Variants in LUZP2 observed in about 807,000 individuals in gnomAD.
The protein encoded by LUZP2 is leucine zipper protein 2.
In LUZP2, 52 loss-of-function variants were observed where a neutral mutation model predicts 51.6. That is an observed-to-expected ratio of 1.01 (90% confidence interval 0.81 to 1.27). LUZP2 has a LOEUF of 1.27. LUZP2 is among the 50% of genes most tolerant of loss of function. The pLI is 0.00. For synonymous variants in LUZP2, 154 were observed against 137.3 expected (o/e 1.12, Z -0.85); for missense variants, 436 against 395.4 (o/e 1.10, Z -0.87).
intron 1 of LUZP2, among the ~76,000 whole-genome samples, chr11:24,695,494 TA>T (rs1372747709): frequency 6.6e-6 from 1 of 152,070 alleles, no homozygotes; most frequent in Non-Finnish European, 1.5e-5. Context: ...CTCTTCTAAT[TA>T]TTCTGAAATA....
intron 1 of LUZP2, among the ~76,000 whole-genome samples, chr11:24,683,916 A>G (rs1307340571): frequency 6.6e-6 from 1 of 152,062 alleles, no homozygotes; most frequent in Non-Finnish European, 1.5e-5. Context: ...GTTACCTCCA[A>G]TAAGTATGTA....
Position 24,639,652 on chromosome 11 carries a change from C to A in LUZP2, c.63-89517C>A, listed in dbSNP as rs533314444. ...TTTTAGTAGAGACAGGGTTTCACCA[C>A]GTTGGTCAGGCTGGTCTCTAACTCA... is the stretch of plus-strand genomic sequence containing the variant. On this transcript the variant is annotated intron_variant, in intron 1 of 11. Coordinates refer to ENST00000336930, the MANE Select transcript of LUZP2 (RefSeq NM_001009909.4). Among the ~76,000 whole-genome samples the A allele has an allele frequency of 2.6e-5, 4 of 151,738 alleles. No homozygotes were observed. In the South Asian group the frequency reaches 8.3e-4, roughly 31 times the overall value.
chr11:24,630,478 T>C lies in LUZP2; in HGVS notation c.63-98691T>C, dbSNP rs141117321. ...CTACAATGTATGTTCTTGTGGACCT[T>C]GTCAAAGATTAGTTGGCTTTAAATA... On this transcript the variant is annotated intron_variant, in intron 1 of 11. Transcript: ENST00000336930. Among the ~76,000 whole-genome samples the C allele has an allele frequency of 2.5e-3, 378 of 152,166 alleles. 4 individuals are homozygous for C. Among genetic ancestry groups the C allele is most frequent in the African/African-American group, 8.9e-3 (370 of 41,558 alleles).
At position 24,593,829 on chromosome 11, in the gene LUZP2, G is replaced by A. The variant is rs73433015; in HGVS notation, c.62+96524G>A. ...TCCTAAGGCCAGCTTCAACTCAAGA[G>A]GAGAACTAAAGTCCACCTTGAGGGA... On this transcript the variant is annotated intron_variant, in intron 1 of 11. Coordinates refer to ENST00000336930, the MANE Select transcript of LUZP2 (RefSeq NM_001009909.4). Among the ~76,000 whole-genome samples, 396 of 152,270 alleles carry A rather than the reference G, an allele frequency of 2.6e-3. 1 individual carries two copies. The highest frequency in any genetic ancestry group is 9.2e-3 in the African/African-American group (381 of 41,554).
At chr11:24,647,179 C>A (rs1260271454) in intron 1 of LUZP2, among the ~76,000 whole-genome samples, 2 of 152,000 alleles carry the variant, frequency 1.3e-5, no homozygotes, top group Non-Finnish European at 2.9e-5. Flanking sequence ...GAAGCTGTTT[C>A]TTCAGTCTGA....
At chr11:24,760,899 T>G (rs1859954814) in intron 4 of LUZP2, among the ~76,000 whole-genome samples, 1 of 152,216 alleles carries the variant, frequency 6.6e-6, no homozygotes, top group African/African-American at 2.4e-5. Context: ...GCATATTACT[T>G]ATGCAACACT....
chr11:24,734,657 C>T (rs898603294), intron 3 of LUZP2, among the ~76,000 whole-genome samples: 2 of 151,570 alleles, frequency 1.3e-5, no homozygotes, highest in African/African-American at 4.8e-5. Flanking sequence ...TTGCTGTTTA[C>T]CTAAAAAGAG....
At chr11:24,830,692 C>T (rs1850672978) in intron 5 of LUZP2, among the ~76,000 whole-genome samples, 1 of 152,080 alleles carries the variant, frequency 6.6e-6, no homozygotes, top group Non-Finnish European at 1.5e-5. Context: ...TAGAATCTTG[C>T]TGCTTGTAAG....
intron 1 of LUZP2, among the ~76,000 whole-genome samples, chr11:24,638,271 A>G (rs1264072445): frequency 6.6e-6 from 1 of 151,870 alleles, no homozygotes; most frequent in East Asian, 1.9e-4. Flanking sequence ...AAATAGTTAT[A>G]AAATCGATTA....
At chr11:24,672,604 G>C (rs1314948980) in intron 1 of LUZP2, among the ~76,000 whole-genome samples, 2 of 152,030 alleles carry the variant, frequency 1.3e-5, no homozygotes, top group African/African-American at 4.8e-5. Flanking sequence ...TGCTTTCTGT[G>C]TTCATTGAAA....
intron 1 of LUZP2, among the ~76,000 whole-genome samples, chr11:24,649,446 GT>G (rs1855558720): frequency 6.6e-6 from 1 of 151,950 alleles, no homozygotes; most frequent in African/African-American, 2.4e-5. Flanking sequence ...GTCCACTTGA[GT>G]TTTAAATTTG....
intron 1 of LUZP2, among the ~76,000 whole-genome samples, chr11:24,677,304 A>G (rs1856591418): frequency 6.6e-6 from 1 of 152,200 alleles, no homozygotes; most frequent in South Asian, 2.1e-4. Context: ...TTATAATAAA[A>G]GAATAATTAT....
chr11:24,602,992 GT>G (rs1436167475), intron 1 of LUZP2, among the ~76,000 whole-genome samples: 1 of 151,684 alleles, frequency 6.6e-6, no homozygotes, highest in Non-Finnish European at 1.5e-5. Flanking sequence ...GAATATCTAA[GT>G]TTCATAATGT....
intron 5 of LUZP2, among the ~76,000 whole-genome samples, chr11:24,796,582 A>T (rs1849552475): frequency 6.6e-6 from 1 of 151,456 alleles, no homozygotes; most frequent in Non-Finnish European, 1.5e-5. Flanking sequence ...AAAAAAAAAA[A>T]AGGAAAGTGA....
At chr11:24,882,000 A>G (rs1450560639) in intron 5 of LUZP2, among the ~76,000 whole-genome samples, 2 of 151,982 alleles carry the variant, frequency 1.3e-5, no homozygotes, top group African/African-American at 2.4e-5. Context: ...ATTTAATTAG[A>G]TCTTAAATTC....
At chr11:24,969,831 A>G (rs1353076931) in intron 7 of LUZP2, among the ~76,000 whole-genome samples, 2 of 152,056 alleles carry the variant, frequency 1.3e-5, no homozygotes, top group Admixed American at 6.6e-5. Flanking sequence ...GAGTGGAGTT[A>G]TTACTCACAT....
chr11:24,816,856 T>C (rs1320757501), intron 5 of LUZP2, among the ~76,000 whole-genome samples: 1 of 152,110 alleles, frequency 6.6e-6, no homozygotes, highest in Non-Finnish European at 1.5e-5. Flanking sequence ...ATTCTTTTTC[T>C]GGGCGGTATA....
chr11:24,952,769 G>T (rs1456025088), intron 7 of LUZP2, among the ~76,000 whole-genome samples: 1 of 151,866 alleles, frequency 6.6e-6, no homozygotes, highest in African/African-American at 2.4e-5. Context: ...TATATAAATT[G>T]ATCAGAACTT....
chr11:24,802,890 A>C (rs1415703125), intron 5 of LUZP2, among the ~76,000 whole-genome samples: 4 of 152,034 alleles, frequency 2.6e-5, no homozygotes, highest in Non-Finnish European at 5.9e-5. Context: ...GGTTGAAGAG[A>C]GCATCCTCAT....
Sources: gnomAD v4.1 joint callset for allele counts (sites outside exome capture counted in the v4.1 genomes callset) on GRCh38, gnomAD v4.1.1 for gene constraint, MANE v1.5 for transcripts, NCBI Gene and HGNC (gene_info 2026-07-23, HGNC 2026-07-21) for gene names.